The following DOCK1 variants were observed in gnomAD, a reference collection of about 807,000 sequenced individuals.
DOCK1 encodes the protein dedicator of cytokinesis protein 1.
Under a neutral mutation model 262.7 loss-of-function variants are expected in DOCK1, and 138 were observed. The ratio of observed to expected loss-of-function variants is 0.53; its 90% CI spans 0.46 to 0.61. The LOEUF (loss-of-function observed/expected upper bound fraction) is 0.61. Ranked by LOEUF, DOCK1 falls within the 20% of genes least tolerant of loss-of-function variation. The pLI is 0.00. For synonymous variants in DOCK1, 866 were observed against 867.4 expected, an observed-to-expected ratio of 1.00 and a Z score of 0.03; for missense variants, 1,908 against 2,370.7, an observed-to-expected ratio of 0.80 and a Z score of 4.05.
intron 15 of DOCK1, 136 bp from the exon 16 acceptor site, chr10:127,026,216 G>T: frequency 1.2e-6 from 1 of 843,438 alleles, no homozygotes; most frequent in Non-Finnish European, 1.9e-6. Context: ...AAATCATATA[G>T]GGGACTAGGT....
At chr10:127,444,384 G>C (rs2275054) in intron 50 of DOCK1, 105 bp downstream of exon 50, 493,670 of 1,357,506 alleles carry the variant, frequency 0.36, 92,306 homozygotes, top group East Asian at 0.41. Context: ...TTGCAGCAGA[G>C]GGTGGGAGTT....
rs562578939 is a variant in DOCK1 at position 127,060,964 on chromosome 10, C to T, written c.2337-704C>T. Among the ~76,000 whole-genome samples, 238 of 152,348 alleles carry T rather than the reference C, an allele frequency of 1.6e-3. 2 individuals are homozygous for T. The Middle Eastern group carries it at 0.017, about 11-fold the overall frequency. On this transcript the variant is annotated intron_variant, in intron 22 of 51. Transcript: ENST00000623213. ...CATTGGTAGTGGCCGCCTGGCGGCT[C>T]ACGCCTGTAATCCCAGCACTTTGGG...
At chr10:127,434,351 T>C (rs545548007) in intron 48 of DOCK1, among the ~76,000 whole-genome samples, 1 of 152,290 alleles carries the variant, frequency 6.6e-6, no homozygotes, top group Non-Finnish European at 1.5e-5. Flanking sequence ...ATTTTGTTTT[T>C]GAGGCAGACT....
At chr10:127,247,359 G>A (rs12766027) in intron 27 of DOCK1, among the ~76,000 whole-genome samples, 3,154 of 152,190 alleles carry the variant, frequency 0.021, 42 homozygotes, top group Non-Finnish European at 0.033. Flanking sequence ...TCTTCTCGGG[G>A]AGGAGAATTG....
intron 27 of DOCK1, among the ~76,000 whole-genome samples, chr10:127,244,806 T>C (rs552313226): frequency 1.3e-5 from 2 of 152,342 alleles, no homozygotes; most frequent in South Asian, 4.1e-4. Context: ...CTAGTCCCTA[T>C]GTTCAGGCTC....
chr10:127,426,002 C>T lies in DOCK1; in HGVS notation c.4905C>T (p.Val1635=). The T allele has an allele frequency of 6.2e-7, 1 of 1,613,910 alleles. No homozygotes were observed. The highest frequency in any genetic ancestry group is 8.5e-7 in the Non-Finnish European group (1 of 1,179,896). The change falls in exon 47 of 52, where the codon GTC becomes GTT. Residue 1635 remains valine, a synonymous_variant. Coordinates refer to ENST00000623213, the MANE Select transcript of DOCK1 (RefSeq NM_001290223.2). The part of the protein sequence containing the change: ...LKEKVEKEYG[V]RIMPSSLDDR... ...AAAAGGTGGAGAAAGAGTACGGCGT[C>T]CGAATCATGGTAAGAGGGTAGTATG...
intron 38 of DOCK1, among the ~76,000 whole-genome samples, chr10:127,397,186 G>A (rs1279962712): frequency 1.4e-5 from 2 of 139,844 alleles, no homozygotes; most frequent in Admixed American, 1.4e-4. Context: ...TGAGTTACAC[G>A]GGCAGCGTCT....
intron 29 of DOCK1, among the ~76,000 whole-genome samples, chr10:127,333,139 A>T (rs988995610): frequency 6.6e-6 from 1 of 152,200 alleles, no homozygotes; most frequent in Admixed American, 6.5e-5. Flanking sequence ...TAAAAGATAC[A>T]TCGTCTCCAC....
chr10:126,926,725 G>C (rs941177995), intron 1 of DOCK1, among the ~76,000 whole-genome samples: 30 of 152,236 alleles, frequency 2.0e-4, no homozygotes, highest in African/African-American at 7.0e-4. Context: ...AGCCAAGTGA[G>C]GATGGAGGCA....
intron 29 of DOCK1, among the ~76,000 whole-genome samples, chr10:127,271,486 G>A (rs1470662830): frequency 2.6e-5 from 4 of 152,130 alleles, no homozygotes; most frequent in African/African-American, 7.2e-5. Flanking sequence ...AAATGATAAT[G>A]TTTAATTGTA....
At chr10:127,087,408 C>A (rs896200594) in intron 23 of DOCK1, among the ~76,000 whole-genome samples, 1 of 152,094 alleles carries the variant, frequency 6.6e-6, no homozygotes, top group Non-Finnish European at 1.5e-5. Flanking sequence ...CGGGCTCAGA[C>A]GCTGATGCTA....
chr10:127,336,835 A>G (rs565233380), intron 29 of DOCK1, among the ~76,000 whole-genome samples: 15 of 152,300 alleles, frequency 9.8e-5, no homozygotes, highest in Middle Eastern at 6.8e-3. Flanking sequence ...CACCGCGCCC[A>G]GCTGACATAT....
At chr10:127,305,911 G>T (rs2061855959) in intron 29 of DOCK1, among the ~76,000 whole-genome samples, 2 of 152,146 alleles carry the variant, frequency 1.3e-5, no homozygotes, top group African/African-American at 2.4e-5. Flanking sequence ...TGACCAGATG[G>T]CTGGCACCCA....
At chr10:127,198,743 TC>T (rs796335436) in intron 27 of DOCK1, among the ~76,000 whole-genome samples, 4 of 39,350 alleles carry the variant, frequency 1.0e-4, no homozygotes, top group Admixed American at 4.7e-4. Context: ...TGGCATCGCT[TC>T]TTTTTTTTTT....
At chr10:126,948,482 A>C (rs1039632273) in intron 1 of DOCK1, among the ~76,000 whole-genome samples, 1 of 151,574 alleles carries the variant, frequency 6.6e-6, no homozygotes, top group Non-Finnish European at 1.5e-5. Context: ...GTTGCTGGTG[A>C]GGGTGATGAA....
chr10:127,425,019 A>G (rs1386209780), intron 46 of DOCK1, among the ~76,000 whole-genome samples: 1 of 152,160 alleles, frequency 6.6e-6, no homozygotes, highest in Non-Finnish European at 1.5e-5. Context: ...ATGAAATTCA[A>G]TTGTGTACTT....
At chr10:127,136,059 A>C (rs558196298) in intron 27 of DOCK1, 3 of 152,594 alleles carry the variant, frequency 2.0e-5, no homozygotes, top group Non-Finnish European at 4.4e-5. Flanking sequence ...TTTTATTGAT[A>C]TTCAGGGATT....
At chr10:126,921,459 A>G (rs1266730943) in intron 1 of DOCK1, among the ~76,000 whole-genome samples, 1 of 152,196 alleles carries the variant, frequency 6.6e-6, no homozygotes, top group Non-Finnish European at 1.5e-5. Context: ...ACATGATTCT[A>G]TTAATAGGAA....
At chr10:126,924,502 C>T (rs1382806069) in intron 1 of DOCK1, among the ~76,000 whole-genome samples, 2 of 151,878 alleles carry the variant, frequency 1.3e-5, no homozygotes, top group African/African-American at 4.8e-5. Flanking sequence ...AGTGCTGGAA[C>T]TGTCTCTGGG....
Sources: gnomAD v4.1 joint callset for allele counts (sites outside exome capture counted in the v4.1 genomes callset) on GRCh38, gnomAD v4.1.1 for gene constraint, MANE v1.5 for transcripts, NCBI Gene and HGNC (gene_info 2026-07-23, HGNC 2026-07-21) for gene names.